Variants in KIF26B observed in about 807,000 individuals in gnomAD.
KIF26B encodes kinesin-like protein KIF26B.
Under a neutral mutation model 151.2 loss-of-function variants are expected in KIF26B, and 63 were observed. The ratio of observed to expected loss-of-function variants is 0.42; its 90% confidence interval spans 0.34 to 0.51. The LOEUF is 0.51. Ranked by LOEUF, KIF26B falls within the 20% of genes least tolerant of loss-of-function variation. KIF26B has a pLI of 0.07. For synonymous variants in KIF26B, 1,357 were observed against 1,262.1 expected (o/e 1.08, Z -1.59); for missense variants, 2,813 against 2,913.6 (o/e 0.97, Z 0.79).
Position 245,419,801 on chromosome 1 carries a change from C to G in KIF26B, c.1166+56C>G, listed in dbSNP as rs1305340801. On this transcript the variant is annotated intron_variant, in intron 4 of 14. Transcript: ENST00000407071. ...TCCGATGAGCCCAGCTGGTTAGCCC[C>G]TCACGTGGACTAGCTCAGCTGAAAC... 3 of 1,461,080 alleles carry G rather than the reference C, an allele frequency of 2.1e-6. No homozygotes were observed. In the African/African-American group the frequency reaches 4.2e-5, roughly 21 times the overall value. 90.5% of individuals were successfully genotyped at this position (1,461,080 alleles called of 1,614,324 possible). A position where few individuals can be genotyped will look rare whatever the true frequency, so the allele number is the denominator to read the frequency against.
At position 245,666,732 on chromosome 1, in the gene KIF26B, C is replaced by T. The variant is rs1054089677; in HGVS notation, c.2259-17501C>T. On this transcript the variant is annotated intron_variant, in intron 10 of 14. Transcript: ENST00000407071. Reference sequence around the variant, plus strand: ...ACATGCCAGAGGTATTTAACTTGTCCGTACCAAATGGTACGGACAAGTTAA... The same window carrying T: ...ACATGCCAGAGGTATTTAACTTGTCTGTACCAAATGGTACGGACAAGTTAA... 9.9e-5 allele frequency among the ~76,000 whole-genome samples: 15 copies of T among 151,830 alleles called. No individual in the cohort carries two copies. The East Asian group carries it at 1.7e-3, about 18-fold the overall frequency.
intron 10 of KIF26B, among the ~76,000 whole-genome samples, chr1:245,652,417 C>T (rs866539388): frequency 1.3e-5 from 2 of 152,118 alleles, no homozygotes; most frequent in Non-Finnish European, 2.9e-5. Flanking sequence ...TTCAGAATGT[C>T]GCTGGGACAT....
At chr1:245,595,461 A>C (rs1337866689) in intron 5 of KIF26B, among the ~76,000 whole-genome samples, 30 of 152,326 alleles carry the variant, frequency 2.0e-4, no homozygotes, top group Non-Finnish European at 1.5e-5. Context: ...GATGGCTTAC[A>C]TTTATTGATT....
At chr1:245,393,000 G>A (rs565761409) in intron 3 of KIF26B, among the ~76,000 whole-genome samples, 3 of 151,952 alleles carry the variant, frequency 2.0e-5, no homozygotes, top group Admixed American at 6.6e-5. Flanking sequence ...GTGAAACCCC[G>A]CCTCTACTAA....
chr1:245,290,432 G>T (rs1671237116), intron 2 of KIF26B, among the ~76,000 whole-genome samples: 1 of 152,212 alleles, frequency 6.6e-6, no homozygotes, highest in Non-Finnish European at 1.5e-5. Flanking sequence ...AGGGTTGCTG[G>T]TTGCCCACTT....
At chr1:245,213,208 T>C (rs2103544869) in intron 2 of KIF26B, among the ~76,000 whole-genome samples, 1 of 152,304 alleles carries the variant, frequency 6.6e-6, no homozygotes, top group African/African-American at 2.4e-5. Context: ...GGGGGCTTGG[T>C]TACCACAATT....
At chr1:245,185,918 A>C (rs1220564924) in intron 2 of KIF26B, among the ~76,000 whole-genome samples, 1 of 151,832 alleles carries the variant, frequency 6.6e-6, no homozygotes, top group Non-Finnish European at 1.5e-5. Context: ...TCTGTCGCCC[A>C]AGCTGGAGTG....
intron 3 of KIF26B, 103 bp from the exon 4 acceptor site, chr1:245,419,476 C>T (rs1054358199): frequency 6.6e-6 from 7 of 1,068,422 alleles, no homozygotes; most frequent in Non-Finnish European, 9.4e-6. Flanking sequence ...GGATAGAAAC[C>T]TGTTCCCTCT....
At position 245,688,073 on chromosome 1, in the gene KIF26B, C is replaced by A; in HGVS notation, c.5090C>A (p.Ala1697Glu). 1 of 1,551,748 alleles carries A rather than the reference C, an allele frequency of 6.4e-7. No homozygotes were observed. The change falls in exon 12 of 15, where the codon GCG becomes GAG. Residue 1697 changes from alanine (A) to glutamate (E), a missense_variant. Physicochemically the swap from Ala to Glu is moderately radical, Grantham distance 107. This residue lies in a region of KIF26B where 2,060 missense variants were observed against 2,088.6 expected (regional missense o/e 0.99). Coordinates refer to ENST00000407071, the MANE Select transcript of KIF26B (RefSeq NM_018012.4). ...TCCTCCGTGAGCTCCCGGCTGCACG[C>A]GGGCAAGGACGGCACCATGCCCCGC... ...SLSSVSSRLH[A>E]GKDGTMPRAG...
intron 2 of KIF26B, among the ~76,000 whole-genome samples, chr1:245,185,087 A>G (rs1377468206): frequency 2.0e-5 from 3 of 152,010 alleles, no homozygotes; most frequent in African/African-American, 7.3e-5. Flanking sequence ...ATTCAATTCA[A>G]ATTTATTCAA....
At chr1:245,168,116 C>T (rs991978951) in intron 2 of KIF26B, among the ~76,000 whole-genome samples, 2 of 152,172 alleles carry the variant, frequency 1.3e-5, no homozygotes, top group African/African-American at 4.8e-5. Context: ...TAAGCTTCTC[C>T]CAAGCCTGTG....
intron 2 of KIF26B, among the ~76,000 whole-genome samples, chr1:245,332,860 A>G (rs1451636363): frequency 3.3e-5 from 5 of 152,172 alleles, no homozygotes. Flanking sequence ...TCGATGGCAG[A>G]CTTAAGGCAA....
Position 245,688,101 on chromosome 1 carries a change from G to C in KIF26B, c.5118G>C (p.Ala1706=). 1.3e-6 allele frequency: 2 copies of C among 1,555,588 alleles called. No individual in the cohort carries two copies. The highest frequency in any genetic ancestry group is 1.7e-6 in the Non-Finnish European group (2 of 1,152,962). ...HAGKDGTMPR[A]GRSLGRSAGT... is the part of the protein sequence containing the mutation. The stretch of plus-strand genomic sequence containing the variant: ...GCAAGGACGGCACCATGCCCCGCGC[G>C]GGGAGGAGCCTGGGCCGCAGCGCCG... The change falls in exon 12 of 15, where the codon GCG becomes GCC. Residue 1706 remains alanine, a synonymous_variant. Transcript: ENST00000407071.
chr1:245,482,910 G>A (rs1046725314), intron 4 of KIF26B, among the ~76,000 whole-genome samples: 3 of 151,730 alleles, frequency 2.0e-5, no homozygotes, highest in African/African-American at 7.2e-5. Flanking sequence ...TGAATCCCGG[G>A]CAGCCACACA....
Position 245,709,005 on chromosome 1 carries a change from T to C in KIF26B, c.*6399T>C, listed in dbSNP as rs888861211. 1.3e-5 allele frequency: 2 copies of C among 152,236 alleles called. No homozygotes were observed. Among genetic ancestry groups the C allele is most frequent in the Admixed American group, 6.5e-5 (1 of 15,288 alleles). 9.4% of individuals were successfully genotyped at this position (152,236 alleles called of 1,614,324 possible). On this transcript the variant is annotated 3_prime_UTR_variant, in exon 15 of 15. Coordinates refer to ENST00000407071, the MANE Select transcript of KIF26B (RefSeq NM_018012.4). ...GTCTGAAATCCACTGTTTAACCAGATGGAAGACTGGGGCCATTCAAAACAT... is the reference window on the plus strand; with the variant it reads ...GTCTGAAATCCACTGTTTAACCAGACGGAAGACTGGGGCCATTCAAAACAT...
At chr1:245,354,687 C>T (rs1177154056) in intron 2 of KIF26B, among the ~76,000 whole-genome samples, 1 of 152,204 alleles carries the variant, frequency 6.6e-6, no homozygotes, top group African/African-American at 2.4e-5. Flanking sequence ...ACCCCATTGC[C>T]AGCTACAACG....
intron 2 of KIF26B, among the ~76,000 whole-genome samples, chr1:245,325,020 A>G (rs1377921080): frequency 1.3e-5 from 2 of 150,636 alleles, no homozygotes; most frequent in African/African-American, 4.9e-5. Context: ...GCTTGAACCC[A>G]GGAGGCGGAG....
chr1:245,645,043 A>G (rs572828521), intron 9 of KIF26B, among the ~76,000 whole-genome samples: 11 of 152,270 alleles, frequency 7.2e-5, no homozygotes, highest in South Asian at 6.2e-4. Context: ...GCATCTTTTA[A>G]ACAACTAGCT....
chr1:245,179,249 A>G (rs1668863159), intron 2 of KIF26B, among the ~76,000 whole-genome samples: 1 of 152,202 alleles, frequency 6.6e-6, no homozygotes, highest in Non-Finnish European at 1.5e-5. Flanking sequence ...TCATTAAGTC[A>G]TTCATTCACG....
Sources: gnomAD v4.1 joint callset for allele counts (sites outside exome capture counted in the v4.1 genomes callset) on GRCh38, gnomAD v4.1.1 for gene constraint, gnomAD v4.1.1 regional missense constraint, MANE v1.5 for transcripts, NCBI Gene and HGNC (gene_info 2026-07-23, HGNC 2026-07-21) for gene names.